Variants in ZDHHC20 observed in about 807,000 individuals in gnomAD.
ZDHHC20 encodes the protein palmitoyltransferase ZDHHC20.
In ZDHHC20, 43 loss-of-function variants were observed where a neutral mutation model predicts 57.8. The observed-to-expected ratio is 0.74, with a 90% confidence interval of 0.58 to 0.96. The LOEUF (loss-of-function observed/expected upper bound fraction) is 0.96, where lower values mean the gene tolerates loss of function less well. Ranked by LOEUF, ZDHHC20 falls within the 40% of genes least tolerant of loss-of-function variation. The pLI is 0.00. For synonymous variants in ZDHHC20, 157 were observed against 153.0 expected, an observed-to-expected ratio of 1.03 and a Z score of -0.19; for missense variants, 391 against 441.1, an observed-to-expected ratio of 0.89 and a Z score of 1.02.
At chr13:21,447,042 C>T (rs1200098809) in intron 1 of ZDHHC20, among the ~76,000 whole-genome samples, 1 of 151,910 alleles carries the variant, frequency 6.6e-6, no homozygotes, top group South Asian at 2.1e-4. Context: ...TTGAAAAAGA[C>T]CATTCTGACT....
chr13:21,439,762 C>A (rs1234498284), intron 1 of ZDHHC20, among the ~76,000 whole-genome samples: 1 of 151,986 alleles, frequency 6.6e-6, no homozygotes, highest in Non-Finnish European at 1.5e-5. Flanking sequence ...AATAACTGCA[C>A]TCTGGTTATA....
intron 1 of ZDHHC20, among the ~76,000 whole-genome samples, chr13:21,432,628 G>A (rs1421332045): frequency 6.6e-6 from 1 of 151,966 alleles, no homozygotes; most frequent in East Asian, 1.9e-4. Context: ...CATCTCTCCT[G>A]GACAACTTTT....
At chr13:21,438,279 C>T (rs576213652) in intron 1 of ZDHHC20, among the ~76,000 whole-genome samples, 1 of 152,328 alleles carries the variant, frequency 6.6e-6, no homozygotes, top group Non-Finnish European at 1.5e-5. Context: ...CTACATTGAT[C>T]ACCTTCTGGA....
At chr13:21,457,915 A>C (rs1885053097) in intron 1 of ZDHHC20, among the ~76,000 whole-genome samples, 1 of 152,220 alleles carries the variant, frequency 6.6e-6, no homozygotes, top group Non-Finnish European at 1.5e-5. Flanking sequence ...GATTCAGTCT[A>C]AGGACTAAGA....
chr13:21,446,231 G>A (rs1478787224), intron 1 of ZDHHC20, among the ~76,000 whole-genome samples: 1 of 152,172 alleles, frequency 6.6e-6, no homozygotes, highest in East Asian at 1.9e-4. Context: ...CGGGGGATAA[G>A]GGAAGAATAT....
chr13:21,416,324 G>T lies in ZDHHC20; in HGVS notation c.250-2552C>A, dbSNP rs189069724. Among the ~76,000 whole-genome samples the T allele has an allele frequency of 1.1e-3, 163 of 151,736 alleles. 2 individuals carry two copies. Among genetic ancestry groups the T allele is most frequent in the Non-Finnish European group, 4.4e-4 (30 of 67,936 alleles). On this transcript the variant is annotated intron_variant, in intron 3 of 12. Transcript: ENST00000400590. ...ATGGAACAAAACAAATATTCAAACA[G>T]ATCATAATTTTGAATTAGTACTACA...
intron 4 of ZDHHC20, among the ~76,000 whole-genome samples, chr13:21,411,741 C>T (rs1028989176): frequency 3.9e-5 from 6 of 152,116 alleles, no homozygotes; most frequent in African/African-American, 7.2e-5. Context: ...AGAAGAATGA[C>T]GGTGCCAAGG....
At position 21,391,822 on chromosome 13, in the gene ZDHHC20, G is replaced by T. The variant is rs368814710; in HGVS notation, c.627C>A (p.His209Gln). 1 of 1,612,864 alleles carries T rather than the reference G, an allele frequency of 6.2e-7. No individual in the cohort carries two copies. Among genetic ancestry groups the T allele is most frequent in the Non-Finnish European group, 8.5e-7 (1 of 1,179,526 alleles). The change falls in exon 8 of 13, where the codon CAC becomes CAA. Residue 209 changes from histidine (H) to glutamine (Q), a missense_variant. This residue lies in a region of ZDHHC20 where 197 missense variants were observed against 220.8 expected (regional missense o/e 0.89). Transcript: ENST00000400590. ...CAGACACAAAGAAAAGAAAAAGTACGTGGAATTTTGCACGTGTATCTGTCA... is the reference window on the plus strand; with the variant it reads ...CAGACACAAAGAAAAGAAAAAGTACTTGGAATTTTGCACGTGTATCTGTCA... ...NELTDTRAKF[H>Q]VLFLFFVSAM... is the part of the protein sequence containing the mutation.
At chr13:21,411,587 C>T (rs1879226577) in intron 4 of ZDHHC20, among the ~76,000 whole-genome samples, 1 of 152,140 alleles carries the variant, frequency 6.6e-6, no homozygotes, top group Admixed American at 6.5e-5. Flanking sequence ...ACTCAACATT[C>T]TGACATTGCA....
At chr13:21,459,017 C>T in intron 1 of ZDHHC20, 37 bp downstream of exon 1, 1 of 1,530,236 alleles carries the variant, frequency 6.5e-7, no homozygotes, top group Non-Finnish European at 8.9e-7. Flanking sequence ...CTAGCCGCGG[C>T]CCGCGCCCCG....
intron 11 of ZDHHC20, 52 bp from the exon 12 acceptor site, chr13:21,378,790 T>C: frequency 2.0e-6 from 2 of 1,000,972 alleles, no homozygotes; most frequent in South Asian, 2.4e-5. Flanking sequence ...AAAAAAGAAG[T>C]ATTAAGTTTC....
chr13:21,449,518 T>G (rs139600069), intron 1 of ZDHHC20, among the ~76,000 whole-genome samples: 1,937 of 152,290 alleles, frequency 0.013, 41 homozygotes, highest in African/African-American at 0.043. Flanking sequence ...TCTTGAGGCC[T>G]AAGTTCCAGA....
intron 1 of ZDHHC20, among the ~76,000 whole-genome samples, chr13:21,446,522 C>T (rs1236047687): frequency 2.0e-5 from 3 of 152,096 alleles, no homozygotes; most frequent in East Asian, 1.9e-4. Context: ...TCAAAGTTTA[C>T]GATAGTAAAA....
At chr13:21,403,033 CAAAAT>C (rs1163813007) in intron 4 of ZDHHC20, among the ~76,000 whole-genome samples, 167 bp from the exon 5 acceptor site, 2 of 152,092 alleles carry the variant, frequency 1.3e-5, no homozygotes, top group African/African-American at 4.8e-5. Flanking sequence ...CTTCTCAAAT[CAAAAT>C]GTCAAGAGAT....
chr13:21,438,272 C>T (rs2137990185), intron 1 of ZDHHC20, among the ~76,000 whole-genome samples: 1 of 152,290 alleles, frequency 6.6e-6, no homozygotes, highest in East Asian at 1.9e-4. Context: ...AGGCAAACTA[C>T]ATTGATCACC....
chr13:21,444,912 C>T (rs932585841), intron 1 of ZDHHC20, among the ~76,000 whole-genome samples: 2 of 151,872 alleles, frequency 1.3e-5, no homozygotes, highest in African/African-American at 2.4e-5. Flanking sequence ...AAAAATTGGC[C>T]GGCCATGGTG....
chr13:21,387,110 T>C (rs377307684), intron 9 of ZDHHC20, among the ~76,000 whole-genome samples: 38 of 152,300 alleles, frequency 2.5e-4, no homozygotes, highest in African/African-American at 8.9e-4. Flanking sequence ...TGGGGTAAAA[T>C]TGCAGTATGT....
chr13:21,419,287 A>G (rs1880371969), intron 3 of ZDHHC20, among the ~76,000 whole-genome samples: 1 of 152,234 alleles, frequency 6.6e-6, no homozygotes, highest in Non-Finnish European at 1.5e-5. Flanking sequence ...CATCTAATAG[A>G]AAAAGCAGGC....
intron 8 of ZDHHC20, among the ~76,000 whole-genome samples, chr13:21,388,530 A>C (rs1875021379): frequency 6.6e-6 from 1 of 152,168 alleles, no homozygotes; most frequent in South Asian, 2.1e-4. Context: ...GAGGCTATAA[A>C]GATGTGAAGA....
Sources: gnomAD v4.1 joint callset for allele counts (sites outside exome capture counted in the v4.1 genomes callset) on GRCh38, gnomAD v4.1.1 for gene constraint, gnomAD v4.1.1 regional missense constraint, MANE v1.5 for transcripts, NCBI Gene and HGNC (gene_info 2026-07-23, HGNC 2026-07-21) for gene names.